The following SDK1 variants were observed in gnomAD, a reference collection of about 807,000 sequenced individuals.
SDK1 encodes protein sidekick-1.
SDK1 carries 157 observed loss-of-function variants against 245.5 expected under a neutral mutation model. The observed-to-expected ratio is 0.64, with a 90% CI of 0.56 to 0.73. SDK1 has a LOEUF of 0.73. Ranked by LOEUF, SDK1 falls within the 30% of genes least tolerant of loss-of-function variation. The pLI is 0.00. For missense variants in SDK1, 3,583 were observed against 3,002.3 expected, an observed-to-expected ratio of 1.19 and a Z score of -4.52; for synonymous variants, 1,647 against 1,278.5, an observed-to-expected ratio of 1.29 and a Z score of -6.15.
At chr7:4,105,129 T>A (rs142940511) in intron 22 of SDK1, among the ~76,000 whole-genome samples, 6,176 of 149,768 alleles carry the variant, frequency 0.041, 433 homozygotes, top group African/African-American at 0.14. Context: ...ATTACAGGCA[T>A]GTGCCACCAT....
intron 1 of SDK1, among the ~76,000 whole-genome samples, chr7:3,556,671 A>G (rs1300609872): frequency 1.3e-5 from 2 of 151,960 alleles, no homozygotes; most frequent in Non-Finnish European, 1.5e-5. Context: ...AAATACAAAA[A>G]TTAAGCCAGG....
intron 13 of SDK1, among the ~76,000 whole-genome samples, chr7:3,977,727 C>T (rs568234262): frequency 6.6e-6 from 1 of 152,372 alleles, no homozygotes; most frequent in South Asian, 2.1e-4. Flanking sequence ...AGAGGACGAC[C>T]ATATCTTCAT....
At chr7:3,864,504 A>G (rs1472711697) in intron 5 of SDK1, among the ~76,000 whole-genome samples, 1 of 152,230 alleles carries the variant, frequency 6.6e-6, no homozygotes, top group Non-Finnish European at 1.5e-5. Context: ...TTGTCTTTAT[A>G]ACTAATACAC....
chr7:3,860,086 A>G (rs1780653827), intron 5 of SDK1, among the ~76,000 whole-genome samples: 2 of 149,544 alleles, frequency 1.3e-5, no homozygotes, highest in South Asian at 4.2e-4. Flanking sequence ...CTCCTGGCTA[A>G]GTTTTTTGTA....
intron 35 of SDK1, among the ~76,000 whole-genome samples, chr7:4,185,179 A>G (rs922395568): frequency 2.0e-5 from 3 of 152,162 alleles, no homozygotes; most frequent in South Asian, 2.1e-4. Flanking sequence ...ATTCACCACC[A>G]CAGCTGTCCT....
chr7:3,711,254 T>G (rs1297321116), intron 4 of SDK1, among the ~76,000 whole-genome samples: 1 of 152,210 alleles, frequency 6.6e-6, no homozygotes, highest in Non-Finnish European at 1.5e-5. Context: ...CTTCTTTAAT[T>G]TTGGAGACTG....
At chr7:3,351,526 T>A (rs940590383) in intron 1 of SDK1, among the ~76,000 whole-genome samples, 1 of 152,158 alleles carries the variant, frequency 6.6e-6, no homozygotes, top group African/African-American at 2.4e-5. Flanking sequence ...ATTAAAAACA[T>A]CTGAGATACT....
chr7:3,344,018 CAAA>C (rs397939224), intron 1 of SDK1, among the ~76,000 whole-genome samples: 16,706 of 122,402 alleles, frequency 0.14, 1,278 homozygotes, highest in African/African-American at 0.24. Context: ...CACATACAAC[CAAA>C]AAAAAAAAAA....
At chr7:3,468,961 A>G (rs116899015) in intron 1 of SDK1, among the ~76,000 whole-genome samples, 1 of 152,132 alleles carries the variant, frequency 6.6e-6, no homozygotes, top group African/African-American at 2.4e-5. Context: ...CAATTTAGGT[A>G]TTTCCCTAAT....
rs1785088910 is a variant in SDK1, at chr7:3,712,839, T to A, written c.713+70734T>A. ...TAAATGTGGCTAAATAAACAAGGAA[T>A]GGCCCTGCGACTTGGCCCAGGTGCC... On this transcript the variant is annotated intron_variant, in intron 4 of 44. Transcript: ENST00000404826. Among the ~76,000 whole-genome samples the A allele has an allele frequency of 2.6e-5, 4 of 152,300 alleles. No homozygotes were observed. The South Asian group carries it at 6.2e-4, about 24-fold the overall frequency.
At chr7:4,132,969 C>T (rs1022951327) in intron 28 of SDK1, among the ~76,000 whole-genome samples, 5 of 152,122 alleles carry the variant, frequency 3.3e-5, no homozygotes, top group East Asian at 1.9e-4. Flanking sequence ...CATTCGTTTG[C>T]GGCTCATGGC....
chr7:4,029,795 C>G (rs900920650), intron 17 of SDK1, among the ~76,000 whole-genome samples: 1 of 152,106 alleles, frequency 6.6e-6, no homozygotes, highest in Non-Finnish European at 1.5e-5. Flanking sequence ...ATGCAGGTGT[C>G]ACAGCTAAGG....
At chr7:4,194,905 A>G (rs1394547578) in intron 35 of SDK1, among the ~76,000 whole-genome samples, 1 of 152,162 alleles carries the variant, frequency 6.6e-6, no homozygotes, top group East Asian at 1.9e-4. Context: ...TCATTCTTAC[A>G]CCTAAGAAAA....
At chr7:3,355,398 C>T (rs938452237) in intron 1 of SDK1, among the ~76,000 whole-genome samples, 1 of 152,144 alleles carries the variant, frequency 6.6e-6, no homozygotes. Flanking sequence ...TCGCCATGGC[C>T]TCCAACTCCT....
At chr7:3,365,280 C>T (rs1176971288) in intron 1 of SDK1, among the ~76,000 whole-genome samples, 1 of 152,118 alleles carries the variant, frequency 6.6e-6, no homozygotes, top group Non-Finnish European at 1.5e-5. Context: ...GAGTGAGTCA[C>T]TTTTCATCTT....
intron 1 of SDK1, chr7:3,338,395 G>A (rs112411152): frequency 5.1e-5 from 27 of 530,352 alleles, no homozygotes; most frequent in South Asian, 2.4e-4. Flanking sequence ...ACTAATGTGC[G>A]TGTTGAGCAC....
intron 25 of SDK1, among the ~76,000 whole-genome samples, chr7:4,125,763 C>T (rs1562847185): frequency 6.6e-6 from 1 of 152,218 alleles, no homozygotes; most frequent in African/African-American, 2.4e-5. Context: ...CCTCCTTTCA[C>T]TTTCTTCAAA....
At chr7:3,760,536 T>A (rs1583385433) in intron 4 of SDK1, among the ~76,000 whole-genome samples, 1 of 152,370 alleles carries the variant, frequency 6.6e-6, no homozygotes, top group South Asian at 2.1e-4. Context: ...AATAAATCTC[T>A]TTTTGTACAT....
At chr7:3,552,782 C>A (rs988145728) in intron 1 of SDK1, among the ~76,000 whole-genome samples, 1 of 152,152 alleles carries the variant, frequency 6.6e-6, no homozygotes, top group Non-Finnish European at 1.5e-5. Flanking sequence ...CTTCTCAGAA[C>A]AAAGCAGCAG....
Sources: gnomAD v4.1 joint callset for allele counts (sites outside exome capture counted in the v4.1 genomes callset) on GRCh38, gnomAD v4.1.1 for gene constraint, MANE v1.5 for transcripts, NCBI Gene and HGNC (gene_info 2026-07-23, HGNC 2026-07-21) for gene names.